Variants in NLGN1 observed in about 807,000 individuals in gnomAD.
NLGN1 encodes neuroligin 1.
Under a neutral mutation model 65.5 loss-of-function variants are expected in NLGN1, and 12 were observed. The observed-to-expected ratio is 0.18, with a 90% confidence interval of 0.12 to 0.30. The LOEUF (loss-of-function observed/expected upper bound fraction) is 0.30, where lower values mean the gene tolerates loss of function less well. Among genes scored for constraint, NLGN1 ranks in the 10% least tolerant of loss-of-function variants. NLGN1 has a pLI of 1.00. For synonymous variants in NLGN1, 350 were observed against 359.5 expected (o/e 0.97, Z 0.30); for missense variants, 750 against 1,007.1 (o/e 0.74, Z 3.46).
intron 3 of NLGN1, 75 bp from the exon 3 acceptor site, chr3:173,605,459 G>A (rs950431365): frequency 1.4e-6 from 1 of 703,546 alleles, no homozygotes. Flanking sequence ...TATTGAGTTA[G>A]ATAGTGGTGT....
chr3:174,256,224 T>C (rs1347058455), intron 4 of NLGN1, among the ~76,000 whole-genome samples: 31 of 152,276 alleles, frequency 2.0e-4, no homozygotes, highest in Non-Finnish European at 4.4e-5. Flanking sequence ...ATATACTCTG[T>C]TTATTCAGGG....
chr3:174,197,918 G>A (rs1733773007), intron 4 of NLGN1, among the ~76,000 whole-genome samples: 2 of 151,840 alleles, frequency 1.3e-5, no homozygotes. Context: ...TCCCAAGAAC[G>A]ATCTAGTATT....
intron 3 of NLGN1, among the ~76,000 whole-genome samples, chr3:173,797,437 G>T (rs111541314): frequency 0.01 from 1,594 of 152,012 alleles, 20 homozygotes; most frequent in Non-Finnish European, 0.019. Flanking sequence ...TAATAATAAC[G>T]TTTTATTTAG....
At chr3:174,221,728 T>C (rs1379856213) in intron 4 of NLGN1, among the ~76,000 whole-genome samples, 1 of 152,090 alleles carries the variant, frequency 6.6e-6, no homozygotes, top group Non-Finnish European at 1.5e-5. Flanking sequence ...GTAAAGTTGC[T>C]TGCAGGGCCA....
chr3:173,527,047 C>G (rs557220894), intron 2 of NLGN1, among the ~76,000 whole-genome samples: 1 of 152,178 alleles, frequency 6.6e-6, no homozygotes, highest in African/African-American at 2.4e-5. Context: ...AATAGTGCTG[C>G]AATAAACATG....
chr3:173,925,541 C>G (rs967497376), intron 4 of NLGN1, among the ~76,000 whole-genome samples: 2 of 152,166 alleles, frequency 1.3e-5, no homozygotes, highest in Non-Finnish European at 2.9e-5. Context: ...GCCTCCCTCA[C>G]AGAACCATTG....
At chr3:174,260,044 A>C (rs1259043086) in intron 4 of NLGN1, among the ~76,000 whole-genome samples, 2 of 152,034 alleles carry the variant, frequency 1.3e-5, no homozygotes, top group Non-Finnish European at 2.9e-5. Context: ...ATAGTATTCC[A>C]TGGTGTATAT....
At chr3:173,822,709 A>G (rs538457278) in intron 4 of NLGN1, among the ~76,000 whole-genome samples, 1 of 152,212 alleles carries the variant, frequency 6.6e-6, no homozygotes, top group South Asian at 2.1e-4. Context: ...ATCTGAATCA[A>G]TGGGTTTGAA....
intron 4 of NLGN1, among the ~76,000 whole-genome samples, chr3:173,995,410 AG>A (rs1056578431): frequency 1.1e-4 from 16 of 152,172 alleles, no homozygotes; most frequent in African/African-American, 3.4e-4. Context: ...AGCTGCATAA[AG>A]GGGGAGTAAA....
chr3:173,902,798 C>T (rs561671386), intron 4 of NLGN1, among the ~76,000 whole-genome samples: 1 of 152,116 alleles, frequency 6.6e-6, no homozygotes, highest in Non-Finnish European at 1.5e-5. Flanking sequence ...AGCATTAAGT[C>T]TAGAGATCAT....
intron 4 of NLGN1, among the ~76,000 whole-genome samples, chr3:174,188,913 G>A (rs1186175795): frequency 2.0e-5 from 3 of 151,810 alleles, no homozygotes; most frequent in Non-Finnish European, 2.9e-5. Flanking sequence ...TCTATCAATG[G>A]TAATTAAGTG....
intron 4 of NLGN1, among the ~76,000 whole-genome samples, chr3:174,071,294 A>AGTT (rs1345583468): frequency 2.0e-5 from 3 of 152,168 alleles, no homozygotes; most frequent in Admixed American, 2.0e-4. Flanking sequence ...GGACATAGCT[A>AGTT]GTTAGGAAAA....
intron 4 of NLGN1, among the ~76,000 whole-genome samples, chr3:174,141,278 A>G (rs1722230608): frequency 1.3e-5 from 2 of 152,186 alleles, no homozygotes; most frequent in African/African-American, 2.4e-5. Context: ...GAAATTTATA[A>G]GTAATTTTCC....
intron 4 of NLGN1, among the ~76,000 whole-genome samples, chr3:174,213,604 G>A (rs1264790524): frequency 6.6e-6 from 1 of 152,134 alleles, no homozygotes; most frequent in Non-Finnish European, 1.5e-5. Flanking sequence ...TAGTTAAAAT[G>A]TAGCATTCCA....
chr3:173,776,493 T>A (rs1017702287), intron 3 of NLGN1, among the ~76,000 whole-genome samples: 17 of 152,056 alleles, frequency 1.1e-4, no homozygotes, highest in Non-Finnish European at 2.4e-4. Context: ...GGCATTGATG[T>A]TAAGTGTCAA....
At chr3:173,625,774 G>A (rs56122726) in intron 3 of NLGN1, among the ~76,000 whole-genome samples, 3,047 of 152,194 alleles carry the variant, frequency 0.02, 113 homozygotes, top group African/African-American at 0.068. Context: ...ATCTTGGAAT[G>A]TTAATGTAAT....
At chr3:173,555,499 A>T (rs1741559241) in intron 2 of NLGN1, among the ~76,000 whole-genome samples, 1 of 151,882 alleles carries the variant, frequency 6.6e-6, no homozygotes, top group Non-Finnish European at 1.5e-5. Context: ...TCTGTTTTTG[A>T]GACTAGGTCT....
chr3:174,251,021 T>TA lies in NLGN1; in HGVS notation c.647-24293dup, dbSNP rs146822664. 7.3e-3 allele frequency among the ~76,000 whole-genome samples: 1,115 copies of TA among 152,308 alleles called. 15 individuals are homozygous for TA. Among genetic ancestry groups the TA allele is most frequent in the African/African-American group, 0.025 (1,036 of 41,562 alleles). On this transcript the variant is annotated intron_variant, in intron 4 of 6. Transcript: ENST00000457714. Reference sequence around the variant, plus strand: ...CCTATAACTGGTGCTGATCATTTTTTATCAGTCAGTGCATCACATGTGCTC... The same window carrying TA: ...CCTATAACTGGTGCTGATCATTTTTTAATCAGTCAGTGCATCACATGTGCTC...
chr3:173,807,357 G>A (rs1386328276), intron 3 of NLGN1, among the ~76,000 whole-genome samples: 1 of 152,050 alleles, frequency 6.6e-6, no homozygotes, highest in Non-Finnish European at 1.5e-5. Context: ...AAGAATCATT[G>A]CCATTCTGTT....
Sources: allele counts gnomAD v4.1 joint callset (sites outside exome capture counted in the v4.1 genomes callset), GRCh38; gene constraint gnomAD v4.1.1; transcripts MANE v1.5; gene names NCBI Gene and HGNC (gene_info 2026-07-23, HGNC 2026-07-21).